The following UGT2B10 variants were observed in gnomAD, a reference collection of about 807,000 sequenced individuals.
The protein encoded by UGT2B10 is UDP-glucuronosyltransferase 2B10.
In UGT2B10, 51 loss-of-function variants were observed where a neutral mutation model predicts 43.7. The observed-to-expected ratio is 1.17, with a 90% CI of 0.93 to 1.47. The LOEUF is 1.47. Ranked by LOEUF, UGT2B10 falls within the 40% of genes most tolerant of loss-of-function variation. The pLI is 0.00. For synonymous variants in UGT2B10, 225 were observed against 209.0 expected (o/e 1.08, Z -0.66); for missense variants, 696 against 617.7 (o/e 1.13, Z -1.34).
Position 68,831,013 on chromosome 4 carries a change from G to A in UGT2B10, c.*134G>A, listed in dbSNP as rs1006264384. On this transcript the variant is annotated 3_prime_UTR_variant, in exon 6 of 6. Transcript: ENST00000265403. ...ATCCTTTCGAAGTCTACCTTGTCAA[G>A]TAAAAATTTGTTTTTCAGAGATTTA... 3.9e-6 allele frequency: 5 copies of A among 1,285,124 alleles called. No individual in the cohort carries two copies. In the African/African-American group the frequency reaches 6.0e-5, roughly 16 times the overall value. 79.6% of individuals were successfully genotyped at this position (1,285,124 alleles called of 1,614,324 possible). A position where few individuals can be genotyped will look rare whatever the true frequency, so the allele number is the denominator to read the frequency against.
intron 2 of UGT2B10, among the ~76,000 whole-genome samples, chr4:68,821,362 C>G (rs1737485132): frequency 6.6e-6 from 1 of 152,084 alleles, no homozygotes; most frequent in African/African-American, 2.4e-5. Flanking sequence ...GACAAGATCC[C>G]CCTGAAGAAA....
chr4:68,827,633 A>G, intron 5 of UGT2B10, 85 bp downstream of exon 5: 1 of 1,552,708 alleles, frequency 6.4e-7, no homozygotes, highest in South Asian at 1.2e-5. Flanking sequence ...TCCTTTTTAT[A>G]AGAGAGTGAT....
At position 68,827,395 on chromosome 4, in the gene UGT2B10, A is replaced by G. The variant is rs778440259; in HGVS notation, c.1154A>G (p.His385Arg). ...AATGGCATCTATGAGGCAATCTACC[A>G]TGGGATCCCTATGGTGGGCATTCCA... ...GANGIYEAIY[H>R]GIPMVGIPLF... Residue 385 changes from histidine (H) to arginine (R), a missense_variant, in exon 5 of 6, where the codon CAT (histidine) becomes CGT (arginine). Transcript: ENST00000265403. 3.1e-6 allele frequency: 5 copies of G among 1,613,478 alleles called. No homozygotes were observed. In the East Asian group the frequency reaches 6.7e-5, roughly 22 times the overall value.
Position 68,816,999 on chromosome 4 carries a change from C to A in UGT2B10, c.718+262C>A, listed in dbSNP as rs1737246549. ...ATATTAGTACACCTAAGACTTTAAGCAATTATATATCTGTTTTACTATAGA... is the reference window on the plus strand; with the variant it reads ...ATATTAGTACACCTAAGACTTTAAGAAATTATATATCTGTTTTACTATAGA... On this transcript the variant is annotated intron_variant, in intron 1 of 5. Coordinates refer to ENST00000265403, the MANE Select transcript of UGT2B10 (RefSeq NM_001075.6). Among the ~76,000 whole-genome samples, 4 of 151,764 alleles carry A rather than the reference C, an allele frequency of 2.6e-5. No individual in the cohort carries two copies. The South Asian group carries it at 8.3e-4, about 31-fold the overall frequency.
At chr4:68,826,702 T>A (rs1168542006) in intron 4 of UGT2B10, among the ~76,000 whole-genome samples, 2 of 152,162 alleles carry the variant, frequency 1.3e-5, no homozygotes, top group Admixed American at 1.3e-4. Context: ...GTGGTCAGAA[T>A]CAGAGGTAAT....
rs192304545 is a variant in UGT2B10 at position 68,825,762 on chromosome 4, C to T, written c.1000-648C>T. Among the ~76,000 whole-genome samples, 93 of 152,152 alleles carry T rather than the reference C, an allele frequency of 6.1e-4. 1 individual carries two copies. The East Asian group carries it at 0.016, about 27-fold the overall frequency. ...AATTGATGGTCATTTAGGTTGATTT[C>T]ATGTCCTTGCTATTGTGAATAGTAG... On this transcript the variant is annotated intron_variant, in intron 3 of 5. Coordinates refer to ENST00000265403, the MANE Select transcript of UGT2B10 (RefSeq NM_001075.6).
At position 68,831,103 on chromosome 4, in the gene UGT2B10, A is replaced by T. The variant is rs1219225417; in HGVS notation, c.*224A>T. On this transcript the variant is annotated 3_prime_UTR_variant, in exon 6 of 6. Coordinates refer to ENST00000265403, the MANE Select transcript of UGT2B10 (RefSeq NM_001075.6). ...GAAAACACTAGGGGAAATAAAAAATAATATAAAGCCATATGAGCTTGTATT... is the reference window on the plus strand; with the variant it reads ...GAAAACACTAGGGGAAATAAAAAATTATATAAAGCCATATGAGCTTGTATT... 1.7e-6 allele frequency: 1 copy of T among 586,588 alleles called. No homozygotes were observed. The highest frequency in any genetic ancestry group is 2.9e-6 in the Non-Finnish European group (1 of 350,122). 36.3% of individuals were successfully genotyped at this position (586,588 alleles called of 1,614,324 possible). A position where few individuals can be genotyped will look rare whatever the true frequency, so the allele number is the denominator to read the frequency against.
intron 5 of UGT2B10, among the ~76,000 whole-genome samples, chr4:68,829,941 C>T (rs1215762138): frequency 6.6e-6 from 1 of 151,958 alleles, no homozygotes; most frequent in Non-Finnish European, 1.5e-5. Flanking sequence ...ACTTTAGTTG[C>T]AAAACATCAT....
chr4:68,824,453 A>C (rs1737667015), intron 3 of UGT2B10, among the ~76,000 whole-genome samples: 1 of 152,140 alleles, frequency 6.6e-6, no homozygotes, highest in East Asian at 1.9e-4. Context: ...GAAGGAGACA[A>C]ACAGAAGGAA....
intron 2 of UGT2B10, among the ~76,000 whole-genome samples, chr4:68,820,694 C>A: frequency 6.6e-6 from 1 of 151,844 alleles, no homozygotes. Context: ...TTAAAATTTT[C>A]TAAATAAGTG....
intron 2 of UGT2B10, among the ~76,000 whole-genome samples, chr4:68,819,499 T>G (rs1737388055): frequency 6.6e-6 from 1 of 151,526 alleles, no homozygotes; most frequent in Non-Finnish European, 1.5e-5. Flanking sequence ...CTCAAATATG[T>G]GCAGACAAAC....
In UGT2B10 at chr4:68,822,258, C is replaced by A. The variant is rs782201946; in HGVS notation, c.868-13C>A. On this transcript the variant is annotated splice_polypyrimidine_tract_variant and intron_variant, in intron 2 of 5. Coordinates refer to ENST00000265403, the MANE Select transcript of UGT2B10 (RefSeq NM_001075.6). ...ACTCTTTTATGATGAAACATTTTTT[C>A]TTTTTCCCACAGGAAATGGAGGAGT... 1.2e-6 allele frequency: 2 copies of A among 1,606,652 alleles called. No homozygotes were observed. The highest frequency in any genetic ancestry group is 1.7e-6 in the Non-Finnish European group (2 of 1,178,376).
At position 68,822,378 on chromosome 4, in the gene UGT2B10, A is replaced by C; in HGVS notation, c.975A>C (p.Thr325=). Residue 325 remains threonine, a synonymous_variant, in exon 3 of 6, where the codon ACA becomes ACC. Coordinates refer to ENST00000265403, the MANE Select transcript of UGT2B10 (RefSeq NM_001075.6). ...AAGAAAGGGCCAACGTAATTGCAAC[A>C]GCCCTTGCCAAGATCCCACAAAAGG... ...MTEERANVIA[T]ALAKIPQKVL... 8 of 1,613,770 alleles carry C rather than the reference A, an allele frequency of 5.0e-6. No homozygotes were observed. Among genetic ancestry groups the C allele is most frequent in the Non-Finnish European group, 5.9e-6 (7 of 1,179,820 alleles).
chr4:68,827,884 T>G (rs1021121848), intron 5 of UGT2B10, among the ~76,000 whole-genome samples: 1 of 151,890 alleles, frequency 6.6e-6, no homozygotes, highest in African/African-American at 2.4e-5. Context: ...ATAAAATGTT[T>G]TAATTAAATA....
At chr4:68,828,411 A>T (rs1251101901) in intron 5 of UGT2B10, among the ~76,000 whole-genome samples, 1 of 151,564 alleles carries the variant, frequency 6.6e-6, no homozygotes, top group Admixed American at 6.6e-5. Context: ...GGAGGGTATC[A>T]TCTAAAGAAA....
intron 3 of UGT2B10, among the ~76,000 whole-genome samples, chr4:68,824,606 G>A (rs1310019154): frequency 6.6e-6 from 1 of 152,110 alleles, no homozygotes; most frequent in Non-Finnish European, 1.5e-5. Context: ...TCTTGTAATG[G>A]CCTCTAAATT....
At chr4:68,826,122 C>A (rs1200131893) in intron 3 of UGT2B10, among the ~76,000 whole-genome samples, 4 of 151,836 alleles carry the variant, frequency 2.6e-5, no homozygotes, top group African/African-American at 9.7e-5. Flanking sequence ...CGATGGTTAG[C>A]CGCAGGTAGT....
chr4:68,821,354 C>A (rs1361155119), intron 2 of UGT2B10, among the ~76,000 whole-genome samples: 6 of 152,118 alleles, frequency 3.9e-5, no homozygotes, highest in African/African-American at 1.4e-4. Context: ...AAAAGAGAGA[C>A]AAGATCCCCC....
At position 68,827,316 on chromosome 4, in the gene UGT2B10, C is replaced by A. The variant is rs768100232; in HGVS notation, c.1088-13C>A. ...TCCTATGAATAATTTTGCTAAAATT[C>A]ATCCAATCCTAGGTCATCCAAAAAC... is the stretch of plus-strand genomic sequence containing the variant. On this transcript the variant is annotated splice_polypyrimidine_tract_variant and intron_variant, in intron 4 of 5. Transcript: ENST00000265403. The A allele has an allele frequency of 5.6e-6, 9 of 1,612,552 alleles. No homozygotes were observed. The East Asian group carries it at 2.0e-4, about 36-fold the overall frequency.
Sources: allele counts gnomAD v4.1 joint callset (sites outside exome capture counted in the v4.1 genomes callset), GRCh38; gene constraint gnomAD v4.1.1; transcripts MANE v1.5; gene names NCBI Gene and HGNC (gene_info 2026-07-23, HGNC 2026-07-21).